The following ACIN1 variants were observed in gnomAD, a reference collection of about 807,000 sequenced individuals.
ACIN1 encodes apoptotic chromatin condensation inducer in the nucleus.
ACIN1 carries 16 observed loss-of-function variants against 146.6 expected under a neutral mutation model. That is an observed-to-expected ratio of 0.11 (90% CI 0.07 to 0.17). The LOEUF (loss-of-function observed/expected upper bound fraction) is 0.17, where lower values mean the gene tolerates loss of function less well. ACIN1 is among the 10% of genes least tolerant of loss of function. The pLI is 1.00. For synonymous variants in ACIN1, 569 were observed against 582.7 expected (o/e 0.98, Z 0.34); for missense variants, 1,357 against 1,609.3 (o/e 0.84, Z 2.68).
chr14:23,073,839 C>CTTTTT (rs530712203), intron 8 of ACIN1, among the ~76,000 whole-genome samples: 1 of 135,856 alleles, frequency 7.4e-6, no homozygotes, highest in Admixed American at 7.4e-5. Context: ...TTGAAAATTC[C>CTTTTT]TTTTTTTTTT....
chr14:23,061,645 G>C, intron 16 of ACIN1, 23 bp from the exon 17 acceptor site: 2 of 1,506,598 alleles, frequency 1.3e-6, no homozygotes, highest in Non-Finnish European at 1.8e-6. Flanking sequence ...GAGGGACAAG[G>C]ACAGTTAGGA....
chr14:23,068,475 C>T lies in ACIN1; in HGVS notation c.2265+1001G>A, dbSNP rs547468137. The T allele has an allele frequency of 4.1e-6, 4 of 985,718 alleles. No homozygotes were observed. Among genetic ancestry groups the T allele is most frequent in the Non-Finnish European group, 3.6e-6 (3 of 829,958 alleles). 61.1% of individuals were successfully genotyped at this position (985,718 alleles called of 1,614,324 possible). ...GTTCTTCTTGGCCCCCTGATGTAAG[C>T]AAGACAGGGAGGCAAAAGGGGGCCC... On this transcript the variant is annotated intron_variant, in intron 9 of 18. Transcript: ENST00000605057. This position sits in a 1 kb window ranked among gnomAD's most constrained non-coding sequence, Gnocchi z 4.3.
At chr14:23,061,929 G>A (rs528528856) in intron 16 of ACIN1, among the ~76,000 whole-genome samples, 4 of 142,242 alleles carry the variant, frequency 2.8e-5, no homozygotes, top group South Asian at 2.3e-4. Context: ...AGCTGAGATC[G>A]CGCCACTGCA....
intron 18 of ACIN1, 128 bp downstream of exon 18, chr14:23,060,956 A>T: frequency 1.2e-6 from 1 of 840,408 alleles, no homozygotes; most frequent in Admixed American, 2.4e-5. Flanking sequence ...CCTTTTTGTG[A>T]TGCTTAGTTT....
In ACIN1 at chr14:23,067,065, T is replaced by C. The variant is rs2047481709; in HGVS notation, c.2266-1057A>G. On this transcript the variant is annotated intron_variant, in intron 9 of 18. Transcript: ENST00000605057. The surrounding 1 kb of genome is among the most constrained non-coding windows in gnomAD (Gnocchi z 4.6). The stretch of plus-strand genomic sequence containing the variant: ...GTTTGTGTCGTCTAACCAAGTCTCC[T>C]TGGTCTCTGTTAAGGGCCAGCCTGA... Among the ~76,000 whole-genome samples, 1 of 151,868 alleles carries C rather than the reference T, an allele frequency of 6.6e-6. No homozygotes were observed. The highest frequency in any genetic ancestry group is 1.5e-5 in the Non-Finnish European group (1 of 67,966).
intron 14 of ACIN1, 26 bp from the exon 15 acceptor site, chr14:23,062,549 G>A (rs45466096): frequency 0.091 from 145,336 of 1,601,826 alleles, 7,336 homozygotes; most frequent in South Asian, 0.16. Flanking sequence ...GACTTTCAGG[G>A]TCTAGCAGAA....
At position 23,059,105 on chromosome 14, in the gene ACIN1, T is replaced by TG; in HGVS notation, c.*42dup. On this transcript the variant is annotated 3_prime_UTR_variant, in exon 19 of 19. Transcript: ENST00000605057. ...CTATCCCTCTGTGGCCATAACCCCC[T>TG]GGGGCCGAGTGGCTGGTACCTGCAG... The TG allele has an allele frequency of 6.3e-7, 1 of 1,595,624 alleles. No individual in the cohort carries two copies. Among genetic ancestry groups the TG allele is most frequent in the Non-Finnish European group, 8.6e-7 (1 of 1,169,122 alleles).
At position 23,058,942 on chromosome 14, in the gene ACIN1, G is replaced by C. The variant is rs553462684; in HGVS notation, c.*206C>G. 6.7e-5 allele frequency: 38 copies of C among 571,120 alleles called. No individual in the cohort carries two copies. In the Middle Eastern group the frequency reaches 2.8e-3, roughly 42 times the overall value. The allele number at this position is 571,120 out of a possible 1,614,324, so 35.4% of individuals were successfully genotyped here. A position where few individuals can be genotyped will look rare whatever the true frequency, so the allele number is the denominator to read the frequency against. On this transcript the variant is annotated 3_prime_UTR_variant, in exon 19 of 19. Coordinates refer to ENST00000605057, the MANE Select transcript of ACIN1 (RefSeq NM_001386863.1). ...TCTCAGACTTAATGGGAAATGAGAG[G>C]GAGGGTCGGGCTAAGTCCCAAGAGA...
chr14:23,082,761 C>CAA lies in ACIN1; in HGVS notation c.437-926_437-925insTT, dbSNP rs565319157. ...TGTTTTTCTTTTTTTTTTTTTGAGA[C>CAA]AGAGTTTTGCTCTTGTTGCCCAGGA... On this transcript the variant is annotated intron_variant, in intron 4 of 18. Transcript: ENST00000605057. 5.8e-3 allele frequency among the ~76,000 whole-genome samples: 803 copies of CAA among 137,750 alleles called. 5 individuals carry two copies. Among genetic ancestry groups the CAA allele is most frequent in the Non-Finnish European group, 6.1e-3 (394 of 65,036 alleles). The allele number at this position is 137,750 out of a possible 152,430, so 90.4% of individuals were successfully genotyped here.
chr14:23,071,263 G>A, intron 8 of ACIN1: 1 of 1,509,326 alleles, frequency 6.6e-7, no homozygotes, highest in Non-Finnish European at 8.8e-7. Flanking sequence ...CACCTTCCTT[G>A]TTCCAAGATC....
chr14:23,063,291 GCTTA>G (rs2140009554), intron 13 of ACIN1, 141 bp downstream of exon 13: 1 of 1,216,130 alleles, frequency 8.2e-7, no homozygotes, highest in Admixed American at 2.8e-5. Flanking sequence ...CCCTCAAGTA[GCTTA>G]CTTAATATGT....
intron 8 of ACIN1, chr14:23,071,233 A>T (rs1200145298): frequency 1.3e-6 from 2 of 1,517,478 alleles, no homozygotes; most frequent in Admixed American, 5.0e-5. Context: ...AATCCTAAAA[A>T]AAATAAAGAA....
chr14:23,062,139 CCT>C lies in ACIN1; in HGVS notation c.3099+27_3099+28del, dbSNP rs779998155. 8.0e-6 allele frequency: 12 copies of C among 1,506,810 alleles called. No individual in the cohort carries two copies. In the African/African-American group the frequency reaches 1.1e-4, roughly 14 times the overall value. 93.3% of individuals were successfully genotyped at this position (1,506,810 alleles called of 1,614,324 possible). A position where few individuals can be genotyped will look rare whatever the true frequency, so the allele number is the denominator to read the frequency against. On this transcript the variant is annotated intron_variant, in intron 16 of 18. Coordinates refer to ENST00000605057, the MANE Select transcript of ACIN1 (RefSeq NM_001386863.1). ...GCAGATAATGGCTTCCCCTGCCCCT[CCT>C]CTCTTTCCTCTCCCTAGGTTTCTTA... is the stretch of plus-strand genomic sequence containing the variant.
Position 23,089,978 on chromosome 14 carries a change from G to C in ACIN1, c.436+4C>G. On this transcript the variant is annotated splice_donor_region_variant and intron_variant, in intron 4 of 18. Coordinates refer to ENST00000605057, the MANE Select transcript of ACIN1 (RefSeq NM_001386863.1). ...AACAGCGCAGTGGGGAGGGAGATAC[G>C]TACTGGGCGAATGTCTGCTGAGCTC... 6 of 1,608,872 alleles carry C rather than the reference G, an allele frequency of 3.7e-6. No homozygotes were observed. Among genetic ancestry groups the C allele is most frequent in the Non-Finnish European group, 5.1e-6 (6 of 1,177,444 alleles).
intron 12 of ACIN1, 125 bp from the exon 13 acceptor site, chr14:23,063,702 G>T: frequency 8.8e-7 from 1 of 1,135,654 alleles, no homozygotes; most frequent in Non-Finnish European, 1.3e-6. Flanking sequence ...GGGGTATTTC[G>T]TTATCGGCTC....
At chr14:23,090,752 A>G in intron 2 of ACIN1, 119 bp from the exon 3 acceptor site, 1 of 692,676 alleles carries the variant, frequency 1.4e-6, no homozygotes, top group South Asian at 2.1e-5. Context: ...GATAACTAAA[A>G]TGTTGGAAGG....
rs57582315 is a variant in ACIN1 at position 23,081,057 on chromosome 14, CT to C, written c.526-249del. ...TTTAAATTTTAGCTTCAAGCACCCC[CT>C]TTTTTTTTTTTTCAGTAAAATATTA... is the stretch of plus-strand genomic sequence containing the variant. On this transcript the variant is annotated intron_variant, in intron 5 of 18. Transcript: ENST00000605057. Among the ~76,000 whole-genome samples the C allele has an allele frequency of 5.7e-3, 818 of 143,818 alleles. 4 individuals are homozygous for C. Among genetic ancestry groups the C allele is most frequent in the African/African-American group, 0.013 (534 of 39,574 alleles). The allele number at this position is 143,818 out of a possible 152,430, so 94.4% of individuals were successfully genotyped here.
intron 8 of ACIN1, among the ~76,000 whole-genome samples, chr14:23,072,940 C>T (rs1335063717): frequency 1.3e-5 from 2 of 152,180 alleles, no homozygotes; most frequent in African/African-American, 4.8e-5. Context: ...GCAAAGTGGG[C>T]ATAGTGACAA....
intron 8 of ACIN1, chr14:23,071,343 A>G (rs2047643094): frequency 6.6e-7 from 1 of 1,516,458 alleles, no homozygotes; most frequent in Non-Finnish European, 8.8e-7. Context: ...GGATCCAAAA[A>G]ATGGTAAATG....
Sources: gnomAD v4.1 joint callset for allele counts (sites outside exome capture counted in the v4.1 genomes callset) on GRCh38, gnomAD v4.1.1 for gene constraint, Gnocchi (gnomAD v3.1) non-coding constraint, MANE v1.5 for transcripts, NCBI Gene and HGNC (gene_info 2026-07-23, HGNC 2026-07-21) for gene names.